Variants in TTC29 observed in about 807,000 individuals in gnomAD.
TTC29 encodes the protein tetratricopeptide repeat protein 29.
Under a neutral mutation model 58.1 loss-of-function variants are expected in TTC29, and 49 were observed. The observed-to-expected ratio is 0.84, with a 90% CI of 0.67 to 1.07. TTC29 has a LOEUF of 1.07. Among genes scored for constraint, TTC29 ranks in the 50% least tolerant of loss-of-function variants. TTC29 has a pLI of 0.00. For synonymous variants in TTC29, 209 were observed against 196.8 expected, an observed-to-expected ratio of 1.06 and a Z score of -0.52; for missense variants, 582 against 555.6, an observed-to-expected ratio of 1.05 and a Z score of -0.48.
chr4:146,800,043 C>T (rs569807392), intron 11 of TTC29, among the ~76,000 whole-genome samples: 3 of 152,294 alleles, frequency 2.0e-5, no homozygotes, highest in Non-Finnish European at 2.9e-5. Context: ...TTAGGATGAA[C>T]AATTTTATTG....
At chr4:146,925,461 G>A (rs1348880774) in intron 4 of TTC29, among the ~76,000 whole-genome samples, 1 of 151,832 alleles carries the variant, frequency 6.6e-6, no homozygotes, top group Non-Finnish European at 1.5e-5. Flanking sequence ...TTTTTCCATA[G>A]TAATATTTCA....
At chr4:146,779,487 TAAATC>T (rs1748405124) in intron 11 of TTC29, among the ~76,000 whole-genome samples, 1 of 152,208 alleles carries the variant, frequency 6.6e-6, no homozygotes, top group South Asian at 2.1e-4. Flanking sequence ...GGCACATTCT[TAAATC>T]AGATCCATTG....
intron 11 of TTC29, among the ~76,000 whole-genome samples, chr4:146,723,641 A>G (rs1260698249): frequency 6.6e-6 from 1 of 152,238 alleles, no homozygotes; most frequent in Non-Finnish European, 1.5e-5. Flanking sequence ...GCTCCACATA[A>G]CTAATCATCA....
At chr4:146,839,974 ATGTT>A (rs1448715737) in intron 8 of TTC29, among the ~76,000 whole-genome samples, 1 of 152,034 alleles carries the variant, frequency 6.6e-6, no homozygotes, top group Non-Finnish European at 1.5e-5. Flanking sequence ...TAAAAAGAAA[ATGTT>A]TGTCAGCCCC....
chr4:146,715,932 C>A (rs2149997987), intron 11 of TTC29, among the ~76,000 whole-genome samples: 1 of 152,170 alleles, frequency 6.6e-6, no homozygotes, highest in Non-Finnish European at 1.5e-5. Context: ...GGAAAAAATT[C>A]TTACACTATG....
At chr4:146,870,124 A>T (rs1730837369) in intron 7 of TTC29, among the ~76,000 whole-genome samples, 1 of 152,150 alleles carries the variant, frequency 6.6e-6, no homozygotes, top group Non-Finnish European at 1.5e-5. Context: ...AGCAGGTTTC[A>T]ATATTAAGTA....
At chr4:146,877,367 A>G (rs10434198) in intron 6 of TTC29, among the ~76,000 whole-genome samples, 9,251 of 152,226 alleles carry the variant, frequency 0.061, 386 homozygotes, top group Admixed American at 0.13. Context: ...AATGAAAGTT[A>G]TTTAAGAAAT....
At chr4:146,741,487 CTTT>C (rs762817689) in intron 11 of TTC29, among the ~76,000 whole-genome samples, 3 of 140,052 alleles carry the variant, frequency 2.1e-5, no homozygotes, top group Admixed American at 1.4e-4. Flanking sequence ...AAAAATTGTT[CTTT>C]TTTTTTTTTT....
At position 146,744,906 on chromosome 4, in the gene TTC29, G is replaced by C. The variant is rs141762478; in HGVS notation, c.1331-37355C>G. Among the ~76,000 whole-genome samples, 1,344 of 152,304 alleles carry C rather than the reference G, an allele frequency of 8.8e-3. 7 individuals are homozygous for C. Among genetic ancestry groups the C allele is most frequent in the Middle Eastern group, 0.02 (6 of 294 alleles). ...ACGTGTGAGTTGTATTAAAGGTAGG[G>C]AGAGGGAATCATTCCCTCACCTTCC... On this transcript the variant is annotated intron_variant, in intron 11 of 12. Transcript: ENST00000325106.
chr4:146,835,380 T>G (rs529171886), intron 8 of TTC29, among the ~76,000 whole-genome samples: 177 of 152,294 alleles, frequency 1.2e-3, no homozygotes, highest in Non-Finnish European at 1.9e-3. Flanking sequence ...CTCTGAATTT[T>G]GTGAATTTAT....
intron 11 of TTC29, among the ~76,000 whole-genome samples, chr4:146,771,135 C>T (rs1011713729): frequency 2.6e-5 from 4 of 152,044 alleles, no homozygotes; most frequent in African/African-American, 9.7e-5. Flanking sequence ...CTCACAGGCA[C>T]ATTATATGAA....
intron 2 of TTC29, chr4:146,942,827 A>G: frequency 2.2e-6 from 1 of 463,322 alleles, no homozygotes; most frequent in South Asian, 5.0e-5. Context: ...GGGCCAGGGT[A>G]ATCTCTTCAT....
At chr4:146,725,453 T>C (rs1460736755) in intron 11 of TTC29, among the ~76,000 whole-genome samples, 1 of 152,132 alleles carries the variant, frequency 6.6e-6, no homozygotes, top group Non-Finnish European at 1.5e-5. Context: ...GGAAGATTGC[T>C]TGAGCCTGGG....
rs143384566 is a variant in TTC29 at position 146,857,519 on chromosome 4, C to T, written c.885+9979G>A. ...CATCTCAAGCTGAGTGGCGAGCCCT[C>T]TTTAGCATGCCTTAGAAGCTGGTGA... On this transcript the variant is annotated intron_variant, in intron 8 of 12. Coordinates refer to ENST00000325106, the MANE Select transcript of TTC29 (RefSeq NM_031956.4). Among the ~76,000 whole-genome samples, 33 of 152,300 alleles carry T rather than the reference C, an allele frequency of 2.2e-4. 1 individual carries two copies. The East Asian group carries it at 6.2e-3, about 28-fold the overall frequency.
At chr4:146,933,093 T>C (rs952217721) in intron 4 of TTC29, among the ~76,000 whole-genome samples, 1 of 152,150 alleles carries the variant, frequency 6.6e-6, no homozygotes, top group African/African-American at 2.4e-5. Flanking sequence ...AATTGTTCTT[T>C]GTTTCTTTAC....
chr4:146,944,193 G>A (rs1736701022), intron 2 of TTC29: 1 of 152,274 alleles, frequency 6.6e-6, no homozygotes, highest in Non-Finnish European at 1.5e-5. Flanking sequence ...GCTAGCAAGT[G>A]GGCAGTGCTA....
At chr4:146,771,340 A>G (rs1047871048) in intron 11 of TTC29, among the ~76,000 whole-genome samples, 1 of 152,036 alleles carries the variant, frequency 6.6e-6, no homozygotes, top group Non-Finnish European at 1.5e-5. Context: ...GCTTTAGTGT[A>G]CAGATTATTT....
chr4:146,727,118 A>G (rs1177853588), intron 11 of TTC29, among the ~76,000 whole-genome samples: 1 of 151,648 alleles, frequency 6.6e-6, no homozygotes, highest in East Asian at 1.9e-4. Context: ...TTTTATATTT[A>G]TATGAATGTC....
chr4:146,836,702 T>C (rs1464148658), intron 8 of TTC29, among the ~76,000 whole-genome samples: 1 of 151,996 alleles, frequency 6.6e-6, no homozygotes, highest in African/African-American at 2.4e-5. Flanking sequence ...GAACAGACAC[T>C]TGAAAAGATG....
Sources: allele counts gnomAD v4.1 joint callset (sites outside exome capture counted in the v4.1 genomes callset), GRCh38; gene constraint gnomAD v4.1.1; transcripts MANE v1.5; gene names NCBI Gene and HGNC (gene_info 2026-07-23, HGNC 2026-07-21).